Variants in ANO4 observed in about 807,000 individuals in gnomAD.
ANO4 encodes the protein anoctamin 4.
Under a neutral mutation model 141.9 loss-of-function variants are expected in ANO4, and 69 were observed. The observed-to-expected ratio is 0.49, with a 90% confidence interval of 0.40 to 0.59. ANO4 has a LOEUF of 0.59. Among genes scored for constraint, ANO4 ranks in the 20% least tolerant of loss-of-function variants. ANO4 has a pLI of 0.00. For synonymous variants in ANO4, 350 were observed against 394.3 expected (o/e 0.89, Z 1.33); for missense variants, 894 against 1,162.2 (o/e 0.77, Z 3.36).
chr12:101,110,423 A>C lies in ANO4; in HGVS notation c.2169A>C (p.Thr723=). Reference sequence around the variant, plus strand: ...TTCTAGTTCTTCAGTTTGGATTCACAACTATCTTTGTGGCAGCTTTTCCCC... The same window carrying C: ...TTCTAGTTCTTCAGTTTGGATTCACCACTATCTTTGTGGCAGCTTTTCCCC... The part of the protein sequence containing the change: ...YLEMILQFGF[T]TIFVAAFPLA... Residue 723 remains threonine, a synonymous_variant, in exon 23 of 28, where the codon ACA becomes ACC. Transcript: ENST00000392977. 2.5e-6 allele frequency: 4 copies of C among 1,608,346 alleles called. No individual in the cohort carries two copies. The highest frequency in any genetic ancestry group is 2.5e-6 in the Non-Finnish European group (3 of 1,177,968).
At chr12:101,002,277 C>T (rs142411778) in intron 8 of ANO4, among the ~76,000 whole-genome samples, 1 of 152,208 alleles carries the variant, frequency 6.6e-6, no homozygotes, top group Non-Finnish European at 1.5e-5. Context: ...TAGGAATATT[C>T]GTAGCGCATG....
chr12:100,818,093 CT>C (rs1381769209), intron 1 of ANO4, among the ~76,000 whole-genome samples: 1 of 151,602 alleles, frequency 6.6e-6, no homozygotes, highest in Non-Finnish European at 1.5e-5. Context: ...GTTTCCTAAA[CT>C]TTTAGCTTAT....
At chr12:101,002,111 C>G (rs1202723294) in intron 8 of ANO4, among the ~76,000 whole-genome samples, 1 of 152,172 alleles carries the variant, frequency 6.6e-6, no homozygotes, top group Non-Finnish European at 1.5e-5. Context: ...TTAGTGGAAG[C>G]AGCCACTTAG....
intron 1 of ANO4, among the ~76,000 whole-genome samples, chr12:100,843,454 T>C (rs1483704626): frequency 6.6e-6 from 1 of 152,170 alleles, no homozygotes; most frequent in African/African-American, 2.4e-5. Flanking sequence ...TTCAATGTCT[T>C]TTTATACAGC....
At chr12:100,768,360 C>T (rs1593297363) in intron 3 of ANO4, among the ~76,000 whole-genome samples, 2 of 152,284 alleles carry the variant, frequency 1.3e-5, no homozygotes, top group South Asian at 4.1e-4. Flanking sequence ...TATCTTCTTT[C>T]TGTGCTACAC....
chr12:101,009,837 C>T (rs1020104400), intron 8 of ANO4, among the ~76,000 whole-genome samples: 1 of 152,074 alleles, frequency 6.6e-6, no homozygotes, highest in African/African-American at 2.4e-5. Context: ...TCTGGAATTC[C>T]TATTTTTCAG....
chr12:100,725,337 T>C (rs1233950777), intron 1 of ANO4, among the ~76,000 whole-genome samples: 1 of 146,706 alleles, frequency 6.8e-6, no homozygotes, highest in East Asian at 2.0e-4. Flanking sequence ...TCAGGGAAAT[T>C]GGTATCTTTT....
intron 1 of ANO4, among the ~76,000 whole-genome samples, chr12:100,724,028 CAAAAAAA>C (rs1380586188): frequency 2.7e-5 from 4 of 146,848 alleles, no homozygotes; most frequent in African/African-American, 1.0e-4. Flanking sequence ...AAACAAAAAA[CAAAAAAA>C]CAAAAAAACC....
intron 14 of ANO4, among the ~76,000 whole-genome samples, chr12:101,070,969 T>A (rs917531899): frequency 1.3e-5 from 2 of 152,182 alleles, no homozygotes; most frequent in Non-Finnish European, 2.9e-5. Context: ...TACAATGAGA[T>A]ATCATCTCTC....
intron 1 of ANO4, among the ~76,000 whole-genome samples, chr12:100,853,717 G>T (rs1158694889): frequency 1.3e-5 from 2 of 152,024 alleles, no homozygotes; most frequent in Non-Finnish European, 2.9e-5. Flanking sequence ...AACTTCCAAT[G>T]TTGACTGAAG....
chr12:101,048,879 A>G (rs547060580), intron 14 of ANO4, among the ~76,000 whole-genome samples: 2 of 152,156 alleles, frequency 1.3e-5, no homozygotes, highest in Non-Finnish European at 2.9e-5. Flanking sequence ...CCCATCACAC[A>G]AGGTGTGATG....
rs1566196498 is a variant in ANO4, at chr12:101,064,663, T to TAATAAGA, written c.1313-14529_1313-14528insATAAGAA. On this transcript the variant is annotated intron_variant, in intron 14 of 27. Coordinates refer to ENST00000392977, the MANE Select transcript of ANO4 (RefSeq NM_001286615.2). ...ACATGTATCCCAGAACTTAAAGTAT[T>TAATAAGA]ATAATAATAATAATAATAATAATAA... Among the ~76,000 whole-genome samples the TAATAAGA allele has an allele frequency of 3.1e-5, 4 of 130,190 alleles. No homozygotes were observed. In the East Asian group the frequency reaches 8.1e-4, roughly 27 times the overall value. The allele number at this position is 130,190 out of a possible 152,430, so 85.4% of individuals were successfully genotyped here. A position where few individuals can be genotyped will look rare whatever the true frequency, so the allele number is the denominator to read the frequency against.
At chr12:100,771,932 C>T (rs933075026) in intron 3 of ANO4, among the ~76,000 whole-genome samples, 2 of 152,184 alleles carry the variant, frequency 1.3e-5, no homozygotes. Flanking sequence ...CCTGTGAGTT[C>T]TTCTAGGCAA....
intron 1 of ANO4, among the ~76,000 whole-genome samples, chr12:100,883,418 A>G (rs2039668083): frequency 6.6e-6 from 1 of 152,244 alleles, no homozygotes; most frequent in Admixed American, 6.5e-5. Context: ...CTGTGTTTCA[A>G]TAAAACTTTA....
intron 3 of ANO4, among the ~76,000 whole-genome samples, chr12:100,741,365 C>G (rs1005971566): frequency 4.6e-5 from 7 of 152,212 alleles, no homozygotes; most frequent in Admixed American, 1.3e-4. Flanking sequence ...ATCTTTAAAG[C>G]AGTAGATTGC....
chr12:100,841,232 A>G (rs1387241277), intron 1 of ANO4, among the ~76,000 whole-genome samples: 1 of 152,218 alleles, frequency 6.6e-6, no homozygotes, highest in Non-Finnish European at 1.5e-5. Flanking sequence ...ATTTAAAAAA[A>G]TGCTACCACC....
chr12:100,747,096 T>TTTTC (rs952733153), intron 3 of ANO4, among the ~76,000 whole-genome samples: 133 of 152,074 alleles, frequency 8.7e-4, no homozygotes, highest in African/African-American at 3.1e-3. Context: ...CTGAAAAAAG[T>TTTTC]TTTCAGACAT....
intron 1 of ANO4, among the ~76,000 whole-genome samples, chr12:100,808,644 T>G (rs2035209275): frequency 6.6e-6 from 1 of 152,230 alleles, no homozygotes; most frequent in African/African-American, 2.4e-5. Flanking sequence ...GGTTTATAAG[T>G]ATTTGTTTAG....
chr12:101,106,571 G>GTATA (rs1449953464), intron 22 of ANO4, among the ~76,000 whole-genome samples: 73 of 111,110 alleles, frequency 6.6e-4, no homozygotes, highest in African/African-American at 2.8e-3. Flanking sequence ...GTGTGTGTGT[G>GTATA]TGTATATATA....
Sources: gnomAD v4.1 joint callset for allele counts (sites outside exome capture counted in the v4.1 genomes callset) on GRCh38, gnomAD v4.1.1 for gene constraint, MANE v1.5 for transcripts, NCBI Gene and HGNC (gene_info 2026-07-23, HGNC 2026-07-21) for gene names.